ILRUN: variants seen among roughly 807,000 people sequenced by gnomAD.
The protein encoded by ILRUN is protein ILRUN.
A neutral mutation model predicts 33.8 loss-of-function variants in ILRUN; 3 were observed. The ratio of observed to expected loss-of-function variants is 0.09; its 90% CI spans 0.04 to 0.23. The LOEUF is 0.23. ILRUN is among the 10% of genes least tolerant of loss of function. ILRUN has a pLI of 1.00. For missense variants in ILRUN, 210 were observed against 375.1 expected, an observed-to-expected ratio of 0.56 and a Z score of 3.64; for synonymous variants, 124 against 138.9, an observed-to-expected ratio of 0.89 and a Z score of 0.75.
intron 1 of ILRUN, among the ~76,000 whole-genome samples, chr6:34,677,847 G>A (rs1004595250): frequency 6.6e-6 from 1 of 150,952 alleles, no homozygotes; most frequent in Admixed American, 6.6e-5. Context: ...TACTTGACGG[G>A]CTGAGGTCAA....
intron 1 of ILRUN, among the ~76,000 whole-genome samples, chr6:34,684,609 C>T (rs958842101): frequency 1.3e-5 from 2 of 152,026 alleles, no homozygotes; most frequent in African/African-American, 4.8e-5. Context: ...TGTTTCTATA[C>T]ATAATAAACA....
intron 4 of ILRUN, among the ~76,000 whole-genome samples, chr6:34,591,402 G>C (rs2068415433): frequency 6.6e-6 from 1 of 152,106 alleles, no homozygotes; most frequent in African/African-American, 2.4e-5. Flanking sequence ...GGCTGAAGTG[G>C]GACGATCACT....
At chr6:34,621,085 G>A (rs576076766) in intron 3 of ILRUN, among the ~76,000 whole-genome samples, 18 of 152,182 alleles carry the variant, frequency 1.2e-4, no homozygotes, top group African/African-American at 4.3e-4. Flanking sequence ...ACTAAAACAG[G>A]TTTCATATAC....
chr6:34,680,401 T>A (rs1562030848), intron 1 of ILRUN, among the ~76,000 whole-genome samples: 1 of 152,154 alleles, frequency 6.6e-6, no homozygotes, highest in Non-Finnish European at 1.5e-5. Flanking sequence ...ATCGCTTATT[T>A]TTTTGTTTAT....
At chr6:34,696,097 C>T (rs1392241293) in intron 1 of ILRUN, among the ~76,000 whole-genome samples, 2 of 152,098 alleles carry the variant, frequency 1.3e-5, no homozygotes, top group African/African-American at 2.4e-5. Context: ...TCTCAGCCAA[C>T]ACCATAACCC....
chr6:34,686,451 G>A (rs1044632041), intron 1 of ILRUN, among the ~76,000 whole-genome samples: 1 of 150,574 alleles, frequency 6.6e-6, no homozygotes, highest in African/African-American at 2.4e-5. Flanking sequence ...AGTGAGCCGA[G>A]ATCGCGCCAC....
chr6:34,652,203 A>G (rs1056331916), intron 2 of ILRUN, among the ~76,000 whole-genome samples: 2 of 152,190 alleles, frequency 1.3e-5, no homozygotes, highest in African/African-American at 4.8e-5. Context: ...TTTTAAAAGC[A>G]GGCAAAATCA....
chr6:34,613,339 C>A (rs76927231), intron 3 of ILRUN, among the ~76,000 whole-genome samples: 2 of 152,120 alleles, frequency 1.3e-5, no homozygotes, highest in Non-Finnish European at 2.9e-5. Context: ...ATAATCTCAA[C>A]GATTCATACT....
rs1761640645 is a variant in ILRUN at position 34,606,726 on chromosome 6, AG to A, written c.689del (p.Pro230LeufsTer40). On this transcript the variant is annotated frameshift_variant, in exon 4 of 5. Coordinates refer to ENST00000374023, the MANE Select transcript of ILRUN (RefSeq NM_024294.4). LOFTEE classifies it high-confidence loss of function. ...TGATCGAGTCGAACTCGGAGCCCCC[AG>A]GGTCTTTTAAGTTGTTTTCATCTGA... ...RQSDENNLKDPGGSEFDSISK... is the reference protein window; with the variant it reads ...RQSDENNLKDXGGSEFDSISK... The A allele has an allele frequency of 6.2e-7, 1 of 1,614,036 alleles. No homozygotes were observed. The highest frequency in any genetic ancestry group is 1.3e-5 in the African/African-American group (1 of 74,906).
intron 4 of ILRUN, among the ~76,000 whole-genome samples, chr6:34,602,729 G>A (rs1239481913): frequency 1.3e-5 from 2 of 152,198 alleles, no homozygotes; most frequent in East Asian, 3.8e-4. Context: ...CAAAAGCAGG[G>A]AGCCAGATTT....
chr6:34,610,631 CA>C (rs1761728794), intron 3 of ILRUN, among the ~76,000 whole-genome samples: 1 of 152,174 alleles, frequency 6.6e-6, no homozygotes, highest in Admixed American at 6.5e-5. Context: ...TGCAAATATT[CA>C]AAAATCCAAA....
intron 2 of ILRUN, 105 bp downstream of exon 2, chr6:34,654,520 G>T: frequency 8.5e-7 from 1 of 1,180,492 alleles, no homozygotes; most frequent in Non-Finnish European, 1.2e-6. Flanking sequence ...GTAAGAGAAA[G>T]CTCGCAGTTA....
chr6:34,635,561 AAGGAAGGGAGGG>A (rs1257099970), intron 3 of ILRUN, among the ~76,000 whole-genome samples: 9 of 130,130 alleles, frequency 6.9e-5, no homozygotes, highest in African/African-American at 1.7e-4. Flanking sequence ...GGAAGGAAGG[AAGGAAGGGAGGG>A]AGGGAGGGAG....
At chr6:34,696,296 C>G (rs896744791) in intron 1 of ILRUN, 150 bp downstream of exon 1, 1 of 800,860 alleles carries the variant, frequency 1.2e-6, no homozygotes. Context: ...CCTATGCCCA[C>G]GGGGCTCCCC....
At chr6:34,666,060 C>G (rs1396010746) in intron 1 of ILRUN, among the ~76,000 whole-genome samples, 4 of 152,066 alleles carry the variant, frequency 2.6e-5, no homozygotes, top group Non-Finnish European at 5.9e-5. Context: ...CTATCTTATT[C>G]TCTCTGCAAG....
chr6:34,648,289 C>T (rs193279232), intron 2 of ILRUN, among the ~76,000 whole-genome samples: 42 of 152,242 alleles, frequency 2.8e-4, no homozygotes, highest in Admixed American at 2.7e-3. Context: ...TATCTCCTAC[C>T]AGTACTCTAA....
intron 3 of ILRUN, among the ~76,000 whole-genome samples, chr6:34,618,853 C>G (rs1422651900): frequency 1.3e-5 from 2 of 152,118 alleles, no homozygotes; most frequent in African/African-American, 2.4e-5. Flanking sequence ...TCATTCAATA[C>G]CAAGGGCATC....
intron 3 of ILRUN, among the ~76,000 whole-genome samples, chr6:34,633,895 G>A (rs1213668361): frequency 9.0e-6 from 1 of 111,118 alleles, no homozygotes; most frequent in Admixed American, 8.7e-5. Flanking sequence ...GAGGGAGGGA[G>A]GGAGGGAGGG....
chr6:34,588,224 C>T lies in ILRUN; in HGVS notation c.*2341G>A. 2.5e-6 allele frequency: 1 copy of T among 398,700 alleles called. No homozygotes were observed. Among genetic ancestry groups the T allele is most frequent in the East Asian group, 3.6e-5 (1 of 28,084 alleles). 24.7% of individuals were successfully genotyped at this position (398,700 alleles called of 1,614,324 possible). A position where few individuals can be genotyped will look rare whatever the true frequency, so the allele number is the denominator to read the frequency against. ...AGGATGTGCACAGAAATGGTTTGTT[C>T]TTGGGAAGGGAGACAAGGTGCTTGG... On this transcript the variant is annotated 3_prime_UTR_variant, in exon 5 of 5. Transcript: ENST00000374023.
Sources: allele counts gnomAD v4.1 joint callset (sites outside exome capture counted in the v4.1 genomes callset), GRCh38; gene constraint gnomAD v4.1.1; transcripts MANE v1.5; gene names NCBI Gene and HGNC (gene_info 2026-07-23, HGNC 2026-07-21).